Variants in STAT5A observed in about 807,000 individuals in gnomAD.
STAT5A encodes signal transducer and activator of transcription 5A.
A neutral mutation model predicts 100.2 loss-of-function variants in STAT5A; 26 were observed. That is an observed-to-expected ratio of 0.26 (90% CI 0.19 to 0.36). The LOEUF (loss-of-function observed/expected upper bound fraction) is 0.36. STAT5A is among the 10% of genes least tolerant of loss of function. The pLI, the probability that STAT5A is intolerant of heterozygous loss-of-function variation, is 1.00. For synonymous variants in STAT5A, 330 were observed against 424.3 expected, an observed-to-expected ratio of 0.78 and a Z score of 2.73; for missense variants, 634 against 1,027.5, an observed-to-expected ratio of 0.62 and a Z score of 5.24.
At chr17:42,307,783 C>T (rs996326019) in intron 15 of STAT5A, 60 bp downstream of exon 15, 92 of 1,585,178 alleles carry the variant, frequency 5.8e-5, no homozygotes, top group Middle Eastern at 3.4e-4. Context: ...TCCCTTGCCC[C>T]GCCACCCCAC....
chr17:42,299,104 G>A (rs1347534042), intron 5 of STAT5A, among the ~76,000 whole-genome samples: 1 of 152,198 alleles, frequency 6.6e-6, no homozygotes, highest in Non-Finnish European at 1.5e-5. Flanking sequence ...ACGAGACAGA[G>A]CCGCCGGGGC....
chr17:42,304,580 AGAG>A lies in STAT5A; in HGVS notation c.1312_1314del (p.Glu438del). On this transcript the variant is annotated inframe_deletion, in exon 11 of 19. Transcript: ENST00000590949. This position sits in a 1 kb window ranked among gnomAD's most constrained non-coding sequence, Gnocchi z 4.8. Reference sequence around the variant, plus strand: ...ACCGGCGGGGTGCAGAGTCCGTGACAGAGGAGAAGTTCACAGTCCTGTTTGAGT... The same window carrying A: ...ACCGGCGGGGTGCAGAGTCCGTGACAGAGAAGTTCACAGTCCTGTTTGAGT... 6.2e-7 allele frequency: 1 copy of A among 1,614,234 alleles called. No homozygotes were observed. The highest frequency in any genetic ancestry group is 8.5e-7 in the Non-Finnish European group (1 of 1,180,042).
At chr17:42,300,002 T>C in intron 6 of STAT5A, 121 bp downstream of exon 6, 1 of 1,262,846 alleles carries the variant, frequency 7.9e-7, no homozygotes, top group South Asian at 1.4e-5. Context: ...CCTTTTTTCC[T>C]GGGGGCCTTG....
chr17:42,288,197 C>T (rs373879187), upstream of STAT5A: 92 of 152,366 alleles, frequency 6.0e-4, no homozygotes, highest in African/African-American at 2.1e-3. This position sits in a 1 kb window ranked among gnomAD's most constrained non-coding sequence, Gnocchi z 4.8. Context: ...CGCCCGACAA[C>T]CACATTCCCC....
At chr17:42,307,830 G>C in intron 15 of STAT5A, 107 bp downstream of exon 15, 5 of 1,483,534 alleles carry the variant, frequency 3.4e-6, no homozygotes, top group Non-Finnish European at 4.6e-6. Context: ...GGTACCCAGC[G>C]GGAAGCTTAG....
chr17:42,306,445 A>G lies in STAT5A; in HGVS notation c.1678A>G (p.Arg560Gly). 1 of 1,611,046 alleles carries G rather than the reference A, an allele frequency of 6.2e-7. No homozygotes were observed. Among genetic ancestry groups the G allele is most frequent in the Non-Finnish European group, 8.5e-7 (1 of 1,178,618 alleles). Reference protein sequence around the residue: ...GLSVSWSQFNRENLPGWNYTF... With the variant: ...GLSVSWSQFNGENLPGWNYTF... ...GTCCGTGTCCTGGTCCCAGTTCAAC[A>G]GGGTGAGGGGCCCAGCTGCCAGCCG... Residue 560 changes from arginine (R) to glycine (G), a missense_variant and splice_region_variant, in exon 13 of 19, where the codon AGG becomes GGG. Arg to Gly is a moderately radical substitution (Grantham distance 125, BLOSUM62 -2). This residue lies in a region of STAT5A where 210 missense variants were observed against 428.4 expected (regional missense o/e 0.49). Coordinates refer to ENST00000590949, the MANE Select transcript of STAT5A (RefSeq NM_001288718.2).
At chr17:42,296,794 C>A (rs9909244) in intron 5 of STAT5A, among the ~76,000 whole-genome samples, 8 of 151,910 alleles carry the variant, frequency 5.3e-5, no homozygotes, top group Non-Finnish European at 7.4e-5. Flanking sequence ...CAGGCCACCA[C>A]GCCCAGCTGA....
chr17:42,310,322 T>TG (rs1179849725), intron 18 of STAT5A, among the ~76,000 whole-genome samples, 185 bp from the exon 19 acceptor site: 2 of 151,768 alleles, frequency 1.3e-5, no homozygotes, highest in Non-Finnish European at 2.9e-5. Flanking sequence ...GCGAATAGAG[T>TG]GGGGGTCTGC....
intron 5 of STAT5A, among the ~76,000 whole-genome samples, chr17:42,298,280 C>A (rs1185787449): frequency 6.6e-6 from 1 of 151,910 alleles, no homozygotes; most frequent in Non-Finnish European, 1.5e-5. Context: ...CCTGCCTCAG[C>A]CTCCTAAGTA....
chr17:42,304,580 A>G lies in STAT5A; in HGVS notation c.1308A>G (p.Thr436=). 6.2e-7 allele frequency: 1 copy of G among 1,614,234 alleles called. No homozygotes were observed. Among genetic ancestry groups the G allele is most frequent in the Non-Finnish European group, 8.5e-7 (1 of 1,180,042 alleles). The change falls in exon 11 of 19, where the codon ACA becomes ACG. Residue 436 remains threonine (T), a synonymous_variant. Coordinates refer to ENST00000590949, the MANE Select transcript of STAT5A (RefSeq NM_001288718.2). This position sits in a 1 kb window ranked among gnomAD's most constrained non-coding sequence, Gnocchi z 4.8. ...RADRRGAESV[T]EEKFTVLFES... is the part of the protein sequence containing the mutation. ...ACCGGCGGGGTGCAGAGTCCGTGAC[A>G]GAGGAGAAGTTCACAGTCCTGTTTG...
chr17:42,289,794 T>C, intron 2 of STAT5A, 72 bp from the exon 3 acceptor site: 1 of 1,447,488 alleles, frequency 6.9e-7, no homozygotes. Context: ...GGTTTCCACT[T>C]TATTCCAGCT....
At chr17:42,291,537 A>T (rs1466246609) in intron 3 of STAT5A, among the ~76,000 whole-genome samples, 2 of 151,956 alleles carry the variant, frequency 1.3e-5, no homozygotes, top group African/African-American at 4.8e-5. Flanking sequence ...ACCAACGTGG[A>T]GAAACCCCGC....
At chr17:42,299,720 G>A (rs2080956704) in intron 5 of STAT5A, 31 bp from the exon 6 acceptor site, 2 of 1,614,148 alleles carry the variant, frequency 1.2e-6, no homozygotes, top group Non-Finnish European at 1.7e-6. Flanking sequence ...ACTAGGAGGT[G>A]ATGGTCATGG....
intron 4 of STAT5A, 67 bp from the exon 5 acceptor site, chr17:42,295,552 T>A: frequency 7.1e-6 from 11 of 1,541,242 alleles, no homozygotes; most frequent in Non-Finnish European, 9.7e-6. Context: ...GTATTGGTGT[T>A]TCCTAATGCC....
rs1162929369 is a variant in STAT5A, at chr17:42,309,287, G to A, written c.2115-90G>A. 7.7e-6 allele frequency: 12 copies of A among 1,550,688 alleles called. No individual in the cohort carries two copies. The East Asian group carries it at 1.6e-4, about 20-fold the overall frequency. On this transcript the variant is annotated intron_variant, in intron 17 of 18. Coordinates refer to ENST00000590949, the MANE Select transcript of STAT5A (RefSeq NM_001288718.2). ...GGGGCACTTTGTCCGTCTACACCCC[G>A]AGAAAGACAAACATGCCCCTCGGTC...
chr17:42,291,841 G>A (rs1015784807), intron 3 of STAT5A, 131 bp from the exon 4 acceptor site: 169 of 824,454 alleles, frequency 2.0e-4, no homozygotes, highest in Non-Finnish European at 3.0e-4. Flanking sequence ...AGAGGTGTCT[G>A]GGGATAGTTC....
chr17:42,303,507 C>G (rs994243107), intron 9 of STAT5A, among the ~76,000 whole-genome samples: 1 of 152,122 alleles, frequency 6.6e-6, no homozygotes, highest in East Asian at 1.9e-4. Flanking sequence ...ATCAGGAGTT[C>G]GAAACCAGCC....
At position 42,308,554 on chromosome 17, in the gene STAT5A, G is replaced by A. The variant is rs2081051431; in HGVS notation, c.2062+221G>A. On this transcript the variant is annotated intron_variant, in intron 16 of 18. Coordinates refer to ENST00000590949, the MANE Select transcript of STAT5A (RefSeq NM_001288718.2). This position sits in a 1 kb window ranked among gnomAD's most constrained non-coding sequence, Gnocchi z 4.6. ...CAGCTCTCTTCTCTGCAAAGTGAAA[G>A]CTGCATGGATTCTCACTTCTGCACC... is the stretch of plus-strand genomic sequence containing the variant. 1.6e-6 allele frequency: 1 copy of A among 625,410 alleles called. No homozygotes were observed. Among genetic ancestry groups the A allele is most frequent in the Non-Finnish European group, 2.7e-6 (1 of 366,110 alleles). The allele number at this position is 625,410 out of a possible 1,614,324, so 38.7% of individuals were successfully genotyped here. A position where few individuals can be genotyped will look rare whatever the true frequency, so the allele number is the denominator to read the frequency against.
chr17:42,309,729 T>C (rs941093284), intron 18 of STAT5A: 10 of 437,320 alleles, frequency 2.3e-5, no homozygotes, highest in African/African-American at 6.0e-5. Flanking sequence ...AGTTTCCTTA[T>C]GTGTAAAACG....
Sources: allele counts gnomAD v4.1 joint callset (sites outside exome capture counted in the v4.1 genomes callset), GRCh38; gene constraint gnomAD v4.1.1; regional missense constraint gnomAD v4.1.1; non-coding constraint Gnocchi (gnomAD v3.1); transcripts MANE v1.5; gene names NCBI Gene and HGNC (gene_info 2026-07-23, HGNC 2026-07-21).